FSHR: variants seen among roughly 807,000 people sequenced by gnomAD.
The protein encoded by FSHR is follicle stimulating hormone receptor, also known as follicle-stimulating hormone receptor.
Under a neutral mutation model 52.1 loss-of-function variants are expected in FSHR, and 46 were observed. That is an observed-to-expected ratio of 0.88 (90% CI 0.70 to 1.13). The LOEUF (loss-of-function observed/expected upper bound fraction) is 1.13. FSHR is among the 50% of genes most tolerant of loss of function. The pLI is 0.00. For synonymous variants in FSHR, 399 were observed against 309.6 expected (o/e 1.29, Z -3.03); for missense variants, 964 against 834.6 (o/e 1.16, Z -1.91).
At chr2:49,015,127 T>G (rs1667433657) in intron 4 of FSHR, among the ~76,000 whole-genome samples, 1 of 152,188 alleles carries the variant, frequency 6.6e-6, no homozygotes, top group Non-Finnish European at 1.5e-5. Flanking sequence ...GCTCTATAGA[T>G]AAGCAAACTG....
chr2:48,992,458 C>G (rs1488014299), intron 4 of FSHR, among the ~76,000 whole-genome samples: 1 of 152,174 alleles, frequency 6.6e-6, no homozygotes, highest in East Asian at 1.9e-4. Context: ...CCCAAAGATG[C>G]TCTCCACACA....
intron 1 of FSHR, among the ~76,000 whole-genome samples, chr2:49,086,603 G>A (rs1040640930): frequency 6.6e-6 from 1 of 152,160 alleles, no homozygotes; most frequent in African/African-American, 2.4e-5. Context: ...TCTCCTGGAG[G>A]TGGGTGTGCT....
chr2:49,082,890 G>T (rs558079095), intron 1 of FSHR, among the ~76,000 whole-genome samples: 197 of 151,996 alleles, frequency 1.3e-3, no homozygotes, highest in African/African-American at 4.5e-3. Context: ...GAAAGTGACG[G>T]GGAGAATGGA....
At chr2:49,089,335 T>G (rs1294872550) in intron 1 of FSHR, among the ~76,000 whole-genome samples, 1 of 152,104 alleles carries the variant, frequency 6.6e-6, no homozygotes, top group African/African-American at 2.4e-5. Context: ...GAAATCAAGA[T>G]AAATAACTGT....
At chr2:49,133,255 T>G (rs902234634) in intron 1 of FSHR, among the ~76,000 whole-genome samples, 5 of 152,174 alleles carry the variant, frequency 3.3e-5, no homozygotes, top group Admixed American at 6.5e-5. Flanking sequence ...AAGCCACAGT[T>G]GTGCAAGCAA....
chr2:48,978,610 C>T (rs570476441), intron 8 of FSHR, among the ~76,000 whole-genome samples: 12 of 152,232 alleles, frequency 7.9e-5, no homozygotes, highest in South Asian at 2.1e-4. Flanking sequence ...AGCAATTGTT[C>T]GATTGCTTAA....
At chr2:49,042,552 C>A (rs895313745) in intron 2 of FSHR, among the ~76,000 whole-genome samples, 1 of 152,074 alleles carries the variant, frequency 6.6e-6, no homozygotes, top group Non-Finnish European at 1.5e-5. Flanking sequence ...CTCCTCTATA[C>A]AGGATGATCA....
chr2:49,091,825 G>T (rs1670623221), intron 1 of FSHR, among the ~76,000 whole-genome samples: 1 of 151,984 alleles, frequency 6.6e-6, no homozygotes, highest in South Asian at 2.1e-4. Context: ...TCTCTGATTT[G>T]GTTCTTCTTT....
intron 4 of FSHR, chr2:48,997,068 A>T (rs977733525): frequency 1.7e-5 from 3 of 172,636 alleles, no homozygotes; most frequent in African/African-American, 7.2e-5. Flanking sequence ...GTGGAGTTAG[A>T]TGGCAGAGCA....
intron 2 of FSHR, among the ~76,000 whole-genome samples, chr2:49,032,729 G>A (rs1668143080): frequency 6.6e-6 from 1 of 152,172 alleles, no homozygotes; most frequent in Non-Finnish European, 1.5e-5. Flanking sequence ...AAGATAGAAG[G>A]AGGAGCAGGA....
At chr2:49,059,820 TAA>T (rs1401895217) in intron 2 of FSHR, among the ~76,000 whole-genome samples, 1 of 151,896 alleles carries the variant, frequency 6.6e-6, no homozygotes, top group Non-Finnish European at 1.5e-5. Context: ...ATTTCATGAA[TAA>T]GACATCAAAA....
At chr2:49,125,793 A>T (rs1671975393) in intron 1 of FSHR, among the ~76,000 whole-genome samples, 1 of 152,190 alleles carries the variant, frequency 6.6e-6, no homozygotes, top group African/African-American at 2.4e-5. Context: ...CTTAAATTTG[A>T]GGTGTTCCTA....
At chr2:49,127,192 G>C (rs1182071843) in intron 1 of FSHR, among the ~76,000 whole-genome samples, 1 of 152,056 alleles carries the variant, frequency 6.6e-6, no homozygotes, top group Non-Finnish European at 1.5e-5. Flanking sequence ...GCTGGGCGTG[G>C]TGGTGTGCAC....
intron 1 of FSHR, among the ~76,000 whole-genome samples, chr2:49,131,664 T>A (rs1226123591): frequency 1.3e-5 from 2 of 152,172 alleles, no homozygotes; most frequent in African/African-American, 4.8e-5. Flanking sequence ...ATGGAAATGC[T>A]TCAACTACCC....
At chr2:49,090,311 A>G (rs1455364632) in intron 1 of FSHR, among the ~76,000 whole-genome samples, 2 of 152,168 alleles carry the variant, frequency 1.3e-5, no homozygotes, top group Non-Finnish European at 1.5e-5. Flanking sequence ...GTAATGACCA[A>G]TCTGTTCTCT....
chr2:48,974,402 G>A (rs193019557), intron 8 of FSHR, among the ~76,000 whole-genome samples: 2 of 152,256 alleles, frequency 1.3e-5, no homozygotes, highest in East Asian at 1.9e-4. Flanking sequence ...TTCTTATCAC[G>A]GCTACAAGAC....
chr2:49,127,775 CTT>C (rs1672070956), intron 1 of FSHR, among the ~76,000 whole-genome samples: 1 of 42,708 alleles, frequency 2.3e-5, no homozygotes, highest in South Asian at 1.1e-3. Context: ...TCTTCTTCTT[CTT>C]CTTCTTCTTC....
At chr2:49,098,074 A>G (rs1023171666) in intron 1 of FSHR, among the ~76,000 whole-genome samples, 5 of 152,304 alleles carry the variant, frequency 3.3e-5, no homozygotes, top group Middle Eastern at 3.4e-3. Flanking sequence ...ACGAAATAAA[A>G]TAAAGATTAT....
intron 2 of FSHR, among the ~76,000 whole-genome samples, chr2:49,066,703 C>T (rs983755707): frequency 2.6e-5 from 4 of 152,042 alleles, no homozygotes; most frequent in Non-Finnish European, 5.9e-5. Context: ...CTCAACCATT[C>T]GTATTGCCAC....
Sources: gnomAD v4.1 joint callset for allele counts (sites outside exome capture counted in the v4.1 genomes callset) on GRCh38, gnomAD v4.1.1 for gene constraint, MANE v1.5 for transcripts, NCBI Gene and HGNC (gene_info 2026-07-23, HGNC 2026-07-21) for gene names.